The following ACKR3 variants were observed in gnomAD, a reference collection of about 807,000 sequenced individuals.
ACKR3 encodes the protein C-X-C chemokine receptor type 7.
ACKR3 carries 6 observed loss-of-function variants against 22.4 expected under a neutral mutation model. The observed-to-expected ratio is 0.27, with a 90% CI of 0.15 to 0.53. The LOEUF (loss-of-function observed/expected upper bound fraction) is 0.53. Ranked by LOEUF, ACKR3 falls within the 20% of genes least tolerant of loss-of-function variation. The probability of loss-of-function intolerance (pLI) is 0.96; values close to 1 mark genes in which losing one functional copy is unlikely to be tolerated. For synonymous variants in ACKR3, 209 were observed against 205.2 expected, an observed-to-expected ratio of 1.02 and a Z score of -0.16; for missense variants, 396 against 475.2, an observed-to-expected ratio of 0.83 and a Z score of 1.55.
the ACKR3 span, among the ~76,000 whole-genome samples, chr2:236,540,950 T>C: frequency 6.6e-6 from 1 of 152,242 alleles, no homozygotes; most frequent in African/African-American, 2.4e-5. Context: ...ATTACTCCAC[T>C]TTCTGGCAGA....
the ACKR3 span, among the ~76,000 whole-genome samples, chr2:236,538,971 T>A: frequency 6.8e-3 from 1,033 of 152,276 alleles, 9 homozygotes; most frequent in African/African-American, 0.023. Flanking sequence ...TGGTCAGGGC[T>A]ATAGATTGTG....
upstream of ACKR3, among the ~76,000 whole-genome samples, chr2:236,568,502 G>C (rs543443874): frequency 6.6e-6 from 1 of 152,346 alleles, no homozygotes; most frequent in East Asian, 1.9e-4. Flanking sequence ...GTGACACGAA[G>C]AGTGATTGCG....
rs1268547097 is a variant in ACKR3, at chr2:236,571,632, A to AC, written c.-27+1708_-27+1709insC. 3.3e-5 allele frequency among the ~76,000 whole-genome samples: 5 copies of AC among 151,422 alleles called. No homozygotes were observed. In the South Asian group the frequency reaches 8.3e-4, roughly 25 times the overall value. On this transcript the variant is annotated intron_variant, in intron 1 of 1. Transcript: ENST00000272928. Reference sequence around the variant, plus strand: ...GCTTTCTGAATGAAAAAAAAAAAAAAAAAAAAAAAACCCAAAACAAAAAAC... The same window carrying AC: ...GCTTTCTGAATGAAAAAAAAAAAAAACAAAAAAAAAACCCAAAACAAAAAAC...
chr2:236,568,998 T>C (rs1351368550), upstream of ACKR3, among the ~76,000 whole-genome samples: 1 of 152,192 alleles, frequency 6.6e-6, no homozygotes, highest in Admixed American at 6.5e-5. Context: ...TGGAGATGAG[T>C]ATCACCTGGA....
chr2:236,560,314 GCCT>G, the ACKR3 span, among the ~76,000 whole-genome samples: 1 of 126,930 alleles, frequency 7.9e-6, no homozygotes, highest in African/African-American at 3.1e-5. Flanking sequence ...AGCACTTGTT[GCCT>G]TTTTTTTTTT....
intron 1 of ACKR3, among the ~76,000 whole-genome samples, chr2:236,578,563 G>A (rs1222692406): frequency 1.3e-5 from 2 of 152,234 alleles, no homozygotes; most frequent in East Asian, 1.9e-4. Context: ...AGGACACTGA[G>A]TCAGGTTAGG....
At chr2:236,563,798 C>T (rs1475694170), upstream of ACKR3, among the ~76,000 whole-genome samples, 3 of 152,200 alleles carry the variant, frequency 2.0e-5, no homozygotes, top group African/African-American at 7.2e-5. Context: ...AGACTTGCGA[C>T]TGGAACTGAC....
At chr2:236,545,316 C>T in the ACKR3 span, among the ~76,000 whole-genome samples, 2 of 152,198 alleles carry the variant, frequency 1.3e-5, no homozygotes, top group African/African-American at 4.8e-5. The surrounding 1 kb of genome is among the most constrained non-coding windows in gnomAD (Gnocchi z 5.3). Context: ...GAAATGCCCC[C>T]TCTGCTGGGA....
upstream of ACKR3, among the ~76,000 whole-genome samples, chr2:236,568,462 G>T (rs1691235519): frequency 2.0e-5 from 3 of 152,328 alleles, no homozygotes; most frequent in East Asian, 5.8e-4. Context: ...CAGCGTCTCT[G>T]GGGAGCCTGG....
rs1362574304 is a variant in ACKR3 at position 236,577,531 on chromosome 2, TGGAA to T, written c.-26-2901_-26-2898del. Among the ~76,000 whole-genome samples, 3 of 151,990 alleles carry T rather than the reference TGGAA, an allele frequency of 2.0e-5. No homozygotes were observed. Among genetic ancestry groups the T allele is most frequent in the African/African-American group, 7.3e-5 (3 of 41,372 alleles). On this transcript the variant is annotated intron_variant, in intron 1 of 1. Transcript: ENST00000272928. The surrounding 1 kb of genome is among the most constrained non-coding windows in gnomAD (Gnocchi z 5.6). ...TATTTTGTGCTAAGAGTGGAGGAAC[TGGAA>T]GGAAGGACACACTCGAGATGTGGGA... is the stretch of plus-strand genomic sequence containing the variant.
rs1553634887 is a variant in ACKR3 at position 236,571,642 on chromosome 2, A to AAC, written c.-27+1718_-27+1719insAC. On this transcript the variant is annotated intron_variant, in intron 1 of 1. Transcript: ENST00000272928. ...TGAAAAAAAAAAAAAAAAAAAAAAA[A>AAC]CCCAAAACAAAAAACCCTGCTTAAT... Among the ~76,000 whole-genome samples, 392 of 142,710 alleles carry AAC rather than the reference A, an allele frequency of 2.7e-3. 2 individuals carry two copies. The highest frequency in any genetic ancestry group is 9.8e-3 in the African/African-American group (363 of 37,016). 93.6% of individuals were successfully genotyped at this position (142,710 alleles called of 152,430 possible).
the ACKR3 span, among the ~76,000 whole-genome samples, chr2:236,544,315 A>G: frequency 6.6e-6 from 1 of 152,134 alleles, no homozygotes; most frequent in Non-Finnish European, 1.5e-5. The surrounding 1 kb of genome is among the most constrained non-coding windows in gnomAD (Gnocchi z 5.0). Flanking sequence ...AGGACAAAAA[A>G]GGATCCAGGA....
chr2:236,547,760 C>G, the ACKR3 span, among the ~76,000 whole-genome samples: 2 of 152,144 alleles, frequency 1.3e-5, no homozygotes, highest in Non-Finnish European at 2.9e-5. Flanking sequence ...AGTCATATTT[C>G]AATCTAATTG....
the ACKR3 span, among the ~76,000 whole-genome samples, chr2:236,559,773 C>T: frequency 2.0e-5 from 3 of 152,136 alleles, no homozygotes; most frequent in African/African-American, 4.8e-5. Context: ...ATTTGATTTC[C>T]GGCACCACAG....
In ACKR3 at chr2:236,575,604, GCT is replaced by G. The variant is rs1491177702; in HGVS notation, c.-26-4833_-26-4832del. 2.1e-3 allele frequency among the ~76,000 whole-genome samples: 176 copies of G among 82,714 alleles called. 23 individuals are homozygous for G. The highest frequency in any genetic ancestry group is 0.012 in the African/African-American group (165 of 13,476). 54.3% of individuals were successfully genotyped at this position (82,714 alleles called of 152,430 possible). On this transcript the variant is annotated intron_variant, in intron 1 of 1. Transcript: ENST00000272928. ...TGTGTGTGCGTGTGTCTGGGGTTGT[GCT>G]CTGTGTGTGTGTGTGTCTGGGGTTG...
chr2:236,554,743 C>A, the ACKR3 span, among the ~76,000 whole-genome samples: 1 of 152,216 alleles, frequency 6.6e-6, no homozygotes, highest in South Asian at 2.1e-4. Flanking sequence ...GGGCAGGAGC[C>A]CTAGATGCTA....
chr2:236,541,191 A>C, the ACKR3 span, among the ~76,000 whole-genome samples: 1 of 152,244 alleles, frequency 6.6e-6, no homozygotes, highest in Non-Finnish European at 1.5e-5. Context: ...AGTTGTTGAA[A>C]GTTCTTAAAA....
At chr2:236,564,507 G>T (rs1032000652), upstream of ACKR3, among the ~76,000 whole-genome samples, 3 of 152,080 alleles carry the variant, frequency 2.0e-5, no homozygotes, top group African/African-American at 7.2e-5. Flanking sequence ...TGTCATTCAG[G>T]CTCAGAGAGC....
the ACKR3 span, among the ~76,000 whole-genome samples, chr2:236,556,118 G>A: frequency 6.6e-6 from 1 of 152,164 alleles, no homozygotes; most frequent in African/African-American, 2.4e-5. Context: ...TCCATGTGGG[G>A]TGAGGGGAGC....
Sources: allele counts gnomAD v4.1 joint callset (sites outside exome capture counted in the v4.1 genomes callset), GRCh38; gene constraint gnomAD v4.1.1; non-coding constraint Gnocchi (gnomAD v3.1); transcripts MANE v1.5; gene names NCBI Gene and HGNC (gene_info 2026-07-23, HGNC 2026-07-21).